The following SIPA1L1 variants were observed in gnomAD, a reference collection of about 807,000 sequenced individuals.
The protein encoded by SIPA1L1 is signal-induced proliferation-associated 1-like protein 1.
In SIPA1L1, 26 loss-of-function variants were observed where a neutral mutation model predicts 162.7. That is an observed-to-expected ratio of 0.16 (90% confidence interval 0.12 to 0.22). SIPA1L1 has a LOEUF of 0.22. Ranked by LOEUF, SIPA1L1 falls within the 10% of genes least tolerant of loss-of-function variation. The pLI, the probability that SIPA1L1 is intolerant of heterozygous loss-of-function variation, is 1.00. For synonymous variants in SIPA1L1, 829 were observed against 837.4 expected (o/e 0.99, Z 0.17); for missense variants, 1,874 against 2,241.0 (o/e 0.84, Z 3.31).
intron 2 of SIPA1L1, among the ~76,000 whole-genome samples, chr14:71,476,866 A>C (rs2047906710): frequency 6.6e-6 from 1 of 151,650 alleles, no homozygotes; most frequent in African/African-American, 2.4e-5. Context: ...TTTTTTTAAG[A>C]GAGACGGGTT....
chr14:71,519,157 G>A (rs778429625), intron 3 of SIPA1L1, among the ~76,000 whole-genome samples: 24 of 152,038 alleles, frequency 1.6e-4, no homozygotes, highest in African/African-American at 4.8e-4. Context: ...TTACCCGGTC[G>A]TGGTGGCATG....
rs145452796 is a variant in SIPA1L1 at position 71,730,107 on chromosome 14, G to T, written c.4667G>T (p.Arg1556Leu). Residue 1556 changes from arginine to leucine, a missense_variant, in exon 20 of 24, where the codon CGG becomes CTG. Arg to Leu is a moderately radical substitution (Grantham distance 102, BLOSUM62 -2). Coordinates refer to ENST00000381232, the MANE Select transcript of SIPA1L1 (RefSeq NM_001386936.1). ...CCTTTCCCCAGCACCCCCACCTCAC[G>T]GCGGGCCTTGCACAGAACACTGTCG... ...QSPFPSTPTS[R>L]RALHRTLSDE... 1.2e-6 allele frequency: 2 copies of T among 1,614,078 alleles called. No homozygotes were observed. The highest frequency in any genetic ancestry group is 2.2e-5 in the East Asian group (1 of 44,886).
chr14:71,350,423 A>C (rs1260571181), intron 2 of SIPA1L1, among the ~76,000 whole-genome samples: 2 of 152,108 alleles, frequency 1.3e-5, no homozygotes, highest in African/African-American at 4.8e-5. Context: ...AAAACAAAAA[A>C]AAGTGGGAGG....
At chr14:71,554,464 CTT>C (rs2056167595) in intron 4 of SIPA1L1, among the ~76,000 whole-genome samples, 1 of 152,112 alleles carries the variant, frequency 6.6e-6, no homozygotes, top group South Asian at 2.1e-4. Context: ...AAAAGATGTT[CTT>C]TTTCTGTTGC....
chr14:71,638,895 TAAAC>T (rs937306251), intron 7 of SIPA1L1, among the ~76,000 whole-genome samples: 1 of 152,168 alleles, frequency 6.6e-6, no homozygotes, highest in Non-Finnish European at 1.5e-5. Context: ...TTGCAATCCC[TAAAC>T]AAACAAACAA....
At chr14:71,591,204 G>T (rs957090122) in intron 5 of SIPA1L1, among the ~76,000 whole-genome samples, 2 of 152,018 alleles carry the variant, frequency 1.3e-5, no homozygotes, top group Admixed American at 1.3e-4. Context: ...TGTGTACCAG[G>T]CACTGTACTA....
At chr14:71,652,042 G>C (rs932223095) in intron 8 of SIPA1L1, among the ~76,000 whole-genome samples, 3 of 152,090 alleles carry the variant, frequency 2.0e-5, no homozygotes, top group Admixed American at 2.0e-4. Context: ...TGACCTTTCA[G>C]GGCATATTTC....
chr14:71,320,959 T>A (rs1243823787), intron 1 of SIPA1L1, among the ~76,000 whole-genome samples, 163 bp from the exon 2 acceptor site: 2 of 151,696 alleles, frequency 1.3e-5, no homozygotes, highest in African/African-American at 4.8e-5. Flanking sequence ...CGGGTCCCCC[T>A]CGGAGCCAGC....
intron 4 of SIPA1L1, among the ~76,000 whole-genome samples, chr14:71,581,245 G>A (rs559116100): frequency 6.6e-6 from 1 of 152,164 alleles, no homozygotes; most frequent in South Asian, 2.1e-4. Context: ...TACCCAGGCT[G>A]GTCTCAAACT....
intron 4 of SIPA1L1, among the ~76,000 whole-genome samples, chr14:71,558,823 AC>A (rs1336225486): frequency 6.6e-6 from 1 of 152,134 alleles, no homozygotes; most frequent in Non-Finnish European, 1.5e-5. Context: ...AGCTGAGACT[AC>A]AGGTGCACGC....
chr14:71,383,646 C>T (rs562992579), intron 2 of SIPA1L1, among the ~76,000 whole-genome samples: 1 of 152,082 alleles, frequency 6.6e-6, no homozygotes, highest in South Asian at 2.1e-4. Flanking sequence ...TGGAAGCTTA[C>T]AATCATGATG....
At chr14:71,389,325 G>C (rs2040572332) in intron 2 of SIPA1L1, among the ~76,000 whole-genome samples, 1 of 152,202 alleles carries the variant, frequency 6.6e-6, no homozygotes, top group South Asian at 2.1e-4. Flanking sequence ...AGATGGCTCA[G>C]TGGGTAATAG....
rs139613158 is a variant in SIPA1L1 at position 71,656,097 on chromosome 14, A to G, written c.1994-2236A>G. 4.6e-5 allele frequency among the ~76,000 whole-genome samples: 7 copies of G among 152,326 alleles called. No individual in the cohort carries two copies. The East Asian group carries it at 1.2e-3, about 25-fold the overall frequency. On this transcript the variant is annotated intron_variant, in intron 8 of 23. Coordinates refer to ENST00000381232, the MANE Select transcript of SIPA1L1 (RefSeq NM_001386936.1). The stretch of plus-strand genomic sequence containing the variant: ...TTTCATCTCTGAAACTTCTGAAACT[A>G]TTCCCAAACTGTTGAAAATTATCAG...
chr14:71,632,057 T>G (rs1445237044), intron 7 of SIPA1L1, among the ~76,000 whole-genome samples: 1 of 152,202 alleles, frequency 6.6e-6, no homozygotes, highest in East Asian at 1.9e-4. Flanking sequence ...CCAGGAAAAT[T>G]GAACAAAATA....
rs371705764 is a variant in SIPA1L1 at position 71,554,053 on chromosome 14, A to G, written c.-303+24683A>G. Among the ~76,000 whole-genome samples, 59 of 152,258 alleles carry G rather than the reference A, an allele frequency of 3.9e-4. 2 individuals carry two copies. The South Asian group carries it at 0.012, about 31-fold the overall frequency. On this transcript the variant is annotated intron_variant, in intron 4 of 23. Transcript: ENST00000381232. ...GAATGAATATAAAATTAGAGAAAAAAGTTTTCTTTCTTAATATTTACGACC... is the reference window on the plus strand; with the variant it reads ...GAATGAATATAAAATTAGAGAAAAAGGTTTTCTTTCTTAATATTTACGACC...
At chr14:71,472,891 G>GC (rs1042901908) in intron 2 of SIPA1L1, among the ~76,000 whole-genome samples, 6 of 149,822 alleles carry the variant, frequency 4.0e-5, no homozygotes, top group Non-Finnish European at 8.9e-5. Flanking sequence ...GGTCACCCAG[G>GC]CTGGAGTGCA....
chr14:71,605,124 C>G (rs754129821), intron 5 of SIPA1L1, among the ~76,000 whole-genome samples: 1 of 151,896 alleles, frequency 6.6e-6, no homozygotes. Flanking sequence ...AAAGATCTGT[C>G]GTCAAGTACT....
intron 2 of SIPA1L1, among the ~76,000 whole-genome samples, chr14:71,353,464 A>G (rs1488453854): frequency 1.3e-5 from 2 of 152,200 alleles, no homozygotes. Flanking sequence ...GCATTGAGAC[A>G]GCAGGTGGGG....
At chr14:71,427,304 A>G (rs2043640551) in intron 2 of SIPA1L1, among the ~76,000 whole-genome samples, 1 of 151,978 alleles carries the variant, frequency 6.6e-6, no homozygotes, top group Non-Finnish European at 1.5e-5. Flanking sequence ...ACAGAATAAC[A>G]TTCTGGTTGA....
Sources: gnomAD v4.1 joint callset for allele counts (sites outside exome capture counted in the v4.1 genomes callset) on GRCh38, gnomAD v4.1.1 for gene constraint, MANE v1.5 for transcripts, NCBI Gene and HGNC (gene_info 2026-07-23, HGNC 2026-07-21) for gene names.